Variants in CCDC125 observed in about 807,000 individuals in gnomAD.
The protein encoded by CCDC125 is coiled-coil domain-containing protein 125.
CCDC125 carries 43 observed loss-of-function variants against 57.4 expected under a neutral mutation model. The ratio of observed to expected loss-of-function variants is 0.75; its 90% confidence interval spans 0.59 to 0.97. The LOEUF (loss-of-function observed/expected upper bound fraction) is 0.97, where lower values mean the gene tolerates loss of function less well. Among genes scored for constraint, CCDC125 ranks in the 50% least tolerant of loss-of-function variants. The pLI, the probability that CCDC125 is intolerant of heterozygous loss-of-function variation, is 0.00. For synonymous variants in CCDC125, 187 were observed against 195.2 expected, an observed-to-expected ratio of 0.96 and a Z score of 0.35; for missense variants, 563 against 595.7, an observed-to-expected ratio of 0.95 and a Z score of 0.57.
chr5:69,281,965 A>C lies in CCDC125; in HGVS notation c.*764T>G, dbSNP rs1475518307. 4 of 149,704 alleles carry C rather than the reference A, an allele frequency of 2.7e-5. No individual in the cohort carries two copies. Among genetic ancestry groups the C allele is most frequent in the Non-Finnish European group, 4.4e-5 (3 of 67,884 alleles). The allele number at this position is 149,704 out of a possible 1,614,324, so 9.3% of individuals were successfully genotyped here. A position where few individuals can be genotyped will look rare whatever the true frequency, so the allele number is the denominator to read the frequency against. Reference sequence around the variant, plus strand: ...GAGTGCAATGACACAGTCTCGGCTTACCACAACCCCCGCCTCCCAGGTTCA... The same window carrying C: ...GAGTGCAATGACACAGTCTCGGCTTCCCACAACCCCCGCCTCCCAGGTTCA... On this transcript the variant is annotated 3_prime_UTR_variant, in exon 12 of 12. Transcript: ENST00000396496.
At chr5:69,292,105 G>T in intron 10 of CCDC125, 83 bp downstream of exon 10, 2 of 1,244,550 alleles carry the variant, frequency 1.6e-6, no homozygotes, top group South Asian at 1.5e-5. Flanking sequence ...GCCCACATTG[G>T]ATTAAGTGTG....
chr5:69,292,479 G>T, intron 9 of CCDC125, 117 bp from the exon 10 acceptor site: 1 of 719,250 alleles, frequency 1.4e-6, no homozygotes, highest in Non-Finnish European at 2.3e-6. Flanking sequence ...TATTGCCTGT[G>T]GTCTGATCTA....
intron 10 of CCDC125, among the ~76,000 whole-genome samples, chr5:69,291,677 T>C (rs1290924068): frequency 2.0e-5 from 3 of 152,196 alleles, no homozygotes; most frequent in African/African-American, 7.2e-5. Context: ...TTTGATGGGT[T>C]CGTGAACCAA....
chr5:69,303,780 T>C (rs1756889675), intron 7 of CCDC125, 67 bp downstream of exon 7: 1 of 911,702 alleles, frequency 1.1e-6, no homozygotes, highest in Non-Finnish European at 1.7e-6. Flanking sequence ...TTAATGTATA[T>C]TATTTCAAAA....
At chr5:69,276,526 A>G, downstream of CCDC125, 8 of 1,610,978 alleles carry the variant, frequency 5.0e-6, no homozygotes, top group Non-Finnish European at 6.8e-6. Context: ...TACTTTTGGT[A>G]TCTTTTCTTT....
At chr5:69,276,907 G>T (rs1186318283), downstream of CCDC125, among the ~76,000 whole-genome samples, 4 of 152,088 alleles carry the variant, frequency 2.6e-5, no homozygotes, top group South Asian at 8.3e-4. Context: ...CAGAATTATG[G>T]GAACTATGTA....
Position 69,292,342 on chromosome 5 carries a change from A to T in CCDC125, c.945T>A (p.Ser315Arg). 2.5e-6 allele frequency: 4 copies of T among 1,612,218 alleles called. No homozygotes were observed. Among genetic ancestry groups the T allele is most frequent in the Non-Finnish European group, 3.4e-6 (4 of 1,179,650 alleles). Residue 315 changes from serine to arginine, a missense_variant, in exon 10 of 12, where the codon AGT (serine) becomes AGA (arginine). Ser to Arg is a moderately radical substitution (Grantham distance 110, BLOSUM62 -1). Coordinates refer to ENST00000396496, the MANE Select transcript of CCDC125 (RefSeq NM_176816.5). ...CTGCCATCACGTAAGCTTCTTCTTT[A>T]CTCTTCTGCAAAATTTCCAACTGAT... ...LKQELEILQK[S>R]KEEAYVMADA...
At position 69,281,921 on chromosome 5, in the gene CCDC125, G is replaced by C. The variant is rs1303162987; in HGVS notation, c.*808C>G. ...TTTTTTTTTTTTGAGACAGAGTTTC[G>C]CTCTTGTCGCCCAGGCTGGAGTGCA... is the stretch of plus-strand genomic sequence containing the variant. On this transcript the variant is annotated 3_prime_UTR_variant, in exon 12 of 12. Coordinates refer to ENST00000396496, the MANE Select transcript of CCDC125 (RefSeq NM_176816.5). 6.8e-6 allele frequency: 1 copy of C among 146,986 alleles called. No homozygotes were observed. The highest frequency in any genetic ancestry group is 1.5e-5 in the Non-Finnish European group (1 of 67,330). The allele number at this position is 146,986 out of a possible 1,614,324, so 9.1% of individuals were successfully genotyped here. A position where few individuals can be genotyped will look rare whatever the true frequency, so the allele number is the denominator to read the frequency against.
At chr5:69,292,995 C>T (rs1754718682) in intron 9 of CCDC125, among the ~76,000 whole-genome samples, 1 of 151,700 alleles carries the variant, frequency 6.6e-6, no homozygotes, top group Non-Finnish European at 1.5e-5. Context: ...CGCATGTTGC[C>T]ACGCCTGGCT....
intron 2 of CCDC125, among the ~76,000 whole-genome samples, chr5:69,316,523 CA>C (rs1356527010): frequency 6.6e-6 from 1 of 152,190 alleles, no homozygotes; most frequent in African/African-American, 2.4e-5. Flanking sequence ...AGAAGGAACG[CA>C]CCCTGCCAAC....
chr5:69,296,359 C>T (rs374760532), intron 8 of CCDC125, among the ~76,000 whole-genome samples: 2 of 151,874 alleles, frequency 1.3e-5, no homozygotes, highest in Admixed American at 1.3e-4. Flanking sequence ...CGAAACCAGC[C>T]GGACCAACAT....
intron 7 of CCDC125, among the ~76,000 whole-genome samples, chr5:69,300,525 G>A (rs999850480): frequency 3.3e-5 from 5 of 152,148 alleles, no homozygotes; most frequent in African/African-American, 1.2e-4. Context: ...AGCTCTATCA[G>A]GTTTTTGTAT....
At chr5:69,325,600 C>A (rs866103624) in intron 1 of CCDC125, among the ~76,000 whole-genome samples, 1 of 150,268 alleles carries the variant, frequency 6.7e-6, no homozygotes. Flanking sequence ...TCGAGGTGGG[C>A]GGATCACGAG....
chr5:69,285,663 C>T (rs1341485719), intron 10 of CCDC125, among the ~76,000 whole-genome samples, 196 bp from the exon 11 acceptor site: 2 of 152,200 alleles, frequency 1.3e-5, no homozygotes, highest in Admixed American at 6.5e-5. Context: ...CCATGCGGCA[C>T]AGCCACCCCT....
At chr5:69,315,755 C>A (rs1167267145) in intron 2 of CCDC125, among the ~76,000 whole-genome samples, 1 of 51,576 alleles carries the variant, frequency 1.9e-5, no homozygotes, top group Non-Finnish European at 3.9e-5. Flanking sequence ...AGCAAAACTC[C>A]GTCTCAAAAA....
intron 10 of CCDC125, 137 bp downstream of exon 10, chr5:69,292,050 GT>G: frequency 1.3e-6 from 1 of 772,594 alleles, no homozygotes; most frequent in South Asian, 2.0e-5. Flanking sequence ...TAGTTGCTAA[GT>G]TTTTAAGTAA....
At chr5:69,283,145 C>T (rs1752690392) in intron 11 of CCDC125, 111 bp from the exon 12 acceptor site, 1 of 784,440 alleles carries the variant, frequency 1.3e-6, no homozygotes, top group African/African-American at 1.8e-5. Flanking sequence ...AATATTCATA[C>T]TGATCTGTCC....
chr5:69,274,573 T>C, the CCDC125 span, among the ~76,000 whole-genome samples: 1 of 152,216 alleles, frequency 6.6e-6, no homozygotes, highest in Admixed American at 6.5e-5. Context: ...TTGCAAAGTT[T>C]ATATGGGCTT....
At chr5:69,313,645 G>A in intron 3 of CCDC125, 1 of 742,830 alleles carries the variant, frequency 1.3e-6, no homozygotes, top group Non-Finnish European at 2.5e-6. Flanking sequence ...TCCTTATCCG[G>A]TAGCATCTTG....
Sources: gnomAD v4.1 joint callset for allele counts (sites outside exome capture counted in the v4.1 genomes callset) on GRCh38, gnomAD v4.1.1 for gene constraint, MANE v1.5 for transcripts, NCBI Gene and HGNC (gene_info 2026-07-23, HGNC 2026-07-21) for gene names.